Variants in NTRK3 observed in about 807,000 individuals in gnomAD.
NTRK3 encodes neurotrophic receptor tyrosine kinase 3.
NTRK3 carries 24 observed loss-of-function variants against 91.7 expected under a neutral mutation model. The observed-to-expected ratio is 0.26, with a 90% CI of 0.19 to 0.37. NTRK3 has a LOEUF of 0.37. NTRK3 is among the 10% of genes least tolerant of loss of function. The pLI, the probability that NTRK3 is intolerant of heterozygous loss-of-function variation, is 1.00. For missense variants in NTRK3, 880 were observed against 1,068.9 expected, an observed-to-expected ratio of 0.82 and a Z score of 2.46; for synonymous variants, 483 against 404.0, an observed-to-expected ratio of 1.20 and a Z score of -2.34.
rs112293896 is a variant in NTRK3, at chr15:88,070,122, C to G, written c.1397-37077G>C. 2.6e-3 allele frequency among the ~76,000 whole-genome samples: 394 copies of G among 152,224 alleles called. 6 individuals carry two copies. The highest frequency in any genetic ancestry group is 8.5e-3 in the African/African-American group (353 of 41,540). Reference sequence around the variant, plus strand: ...GGGTTATCAATAGAGAAATATGAGACGTCCTCTATGAATTTAACAGAAAAC... The same window carrying G: ...GGGTTATCAATAGAGAAATATGAGAGGTCCTCTATGAATTTAACAGAAAAC... On this transcript the variant is annotated intron_variant, in intron 13 of 18. Transcript: ENST00000394480.
At chr15:88,173,068 C>T (rs2045666641) in intron 5 of NTRK3, among the ~76,000 whole-genome samples, 1 of 151,998 alleles carries the variant, frequency 6.6e-6, no homozygotes, top group Non-Finnish European at 1.5e-5. Context: ...ATTTGGGGTT[C>T]AATAACACAT....
At chr15:88,136,742 G>T in intron 7 of NTRK3, 133 bp from the exon 8 acceptor site, 3 of 1,094,216 alleles carry the variant, frequency 2.7e-6, no homozygotes, top group Non-Finnish European at 3.9e-6. Flanking sequence ...TTGAGTTCTT[G>T]GAAGACCCGC....
intron 14 of NTRK3, among the ~76,000 whole-genome samples, chr15:88,000,263 C>A (rs935871931): frequency 6.6e-6 from 1 of 152,100 alleles, no homozygotes; most frequent in Non-Finnish European, 1.5e-5. Flanking sequence ...GTACTCAGAC[C>A]CTCAACACTG....
chr15:88,033,927 T>C (rs2078833492), intron 13 of NTRK3, among the ~76,000 whole-genome samples: 3 of 152,310 alleles, frequency 2.0e-5, no homozygotes, highest in Non-Finnish European at 4.4e-5. Context: ...CAATGTCTGA[T>C]GCTGGATTTC....
exon 19 of NTRK3, chr15:87,873,075 A>G (rs547500853): frequency 1.3e-5 from 3 of 232,898 alleles, no homozygotes; most frequent in African/African-American, 6.6e-5. Context: ...GTGCAGCCCC[A>G]GAAGCTGGCT....
At chr15:88,114,011 C>CT (rs1329284017) in intron 13 of NTRK3, among the ~76,000 whole-genome samples, 1 of 152,102 alleles carries the variant, frequency 6.6e-6, no homozygotes, top group African/African-American at 2.4e-5. Flanking sequence ...CAGTACCCCC[C>CT]CCACCACCAA....
chr15:88,232,084 C>T (rs1398047307), intron 3 of NTRK3, among the ~76,000 whole-genome samples: 1 of 152,160 alleles, frequency 6.6e-6, no homozygotes, highest in Non-Finnish European at 1.5e-5. Flanking sequence ...CCCCTCCATG[C>T]TCCCTACCTC....
intron 14 of NTRK3, among the ~76,000 whole-genome samples, chr15:87,965,791 C>T (rs2072737174): frequency 6.6e-6 from 1 of 152,088 alleles, no homozygotes; most frequent in Non-Finnish European, 1.5e-5. Context: ...TTAAGAACTC[C>T]ATTAGGCTGA....
At chr15:88,095,563 T>G (rs1375579231) in intron 13 of NTRK3, among the ~76,000 whole-genome samples, 1 of 152,142 alleles carries the variant, frequency 6.6e-6, no homozygotes, top group Admixed American at 6.5e-5. Context: ...CCTCCACAAT[T>G]AACTGCAGGT....
chr15:87,991,395 G>A (rs963374830), intron 14 of NTRK3, among the ~76,000 whole-genome samples: 1 of 152,134 alleles, frequency 6.6e-6, no homozygotes, highest in African/African-American at 2.4e-5. Context: ...GTAAAATGTG[G>A]GAAATGCTGC....
chr15:88,220,507 T>C (rs1026276004), intron 3 of NTRK3, among the ~76,000 whole-genome samples: 4 of 152,208 alleles, frequency 2.6e-5, no homozygotes, highest in African/African-American at 9.6e-5. Context: ...CACTTAAATT[T>C]GGAAGCCTCG....
chr15:88,056,001 C>T (rs1381007922), intron 13 of NTRK3, among the ~76,000 whole-genome samples: 1 of 151,904 alleles, frequency 6.6e-6, no homozygotes, highest in Non-Finnish European at 1.5e-5. Flanking sequence ...CAGGATAGTA[C>T]TGCATGTAGG....
chr15:87,972,132 A>C (rs1351424840), intron 14 of NTRK3, among the ~76,000 whole-genome samples: 1 of 152,130 alleles, frequency 6.6e-6, no homozygotes, highest in Admixed American at 6.5e-5. Flanking sequence ...AAGGGAGGGG[A>C]GAATGTGTCT....
chr15:87,895,517 A>G (rs2066067358), intron 17 of NTRK3, among the ~76,000 whole-genome samples: 1 of 152,194 alleles, frequency 6.6e-6, no homozygotes, highest in African/African-American at 2.4e-5. Context: ...AAAAATCAAA[A>G]TGTTTTACCC....
At chr15:88,256,349 C>T (rs1399736347) in exon 2 of NTRK3, 12 of 634,610 alleles carry the variant, frequency 1.9e-5, no homozygotes, top group Middle Eastern at 8.1e-4. Context: ...GACGCCGCCG[C>T]CGCCGCCGCC....
chr15:88,134,270 C>T (rs1049169132), intron 10 of NTRK3, among the ~76,000 whole-genome samples: 22 of 152,188 alleles, frequency 1.4e-4, no homozygotes, highest in African/African-American at 4.1e-4. Context: ...CAAAAAGATG[C>T]TACAATCACT....
chr15:87,861,751 CT>C (rs1423060137), exon 19 of NTRK3: 3 of 195,066 alleles, frequency 1.5e-5, no homozygotes, highest in Non-Finnish European at 2.1e-5. Context: ...TAGACGCGCC[CT>C]TGAAAATTTT....
intron 15 of NTRK3, among the ~76,000 whole-genome samples, chr15:87,939,259 A>G (rs1391163887): frequency 3.3e-5 from 5 of 152,228 alleles, no homozygotes; most frequent in Non-Finnish European, 7.3e-5. Context: ...ACTACTTTTT[A>G]TTGAGTCTTT....
intron 14 of NTRK3, among the ~76,000 whole-genome samples, chr15:88,015,358 A>C (rs748885296): frequency 6.6e-6 from 1 of 151,998 alleles, no homozygotes; most frequent in Non-Finnish European, 1.5e-5. Flanking sequence ...CCCGGGAGGG[A>C]GTCCTTCTCT....
Sources: gnomAD v4.1 joint callset for allele counts (sites outside exome capture counted in the v4.1 genomes callset) on GRCh38, gnomAD v4.1.1 for gene constraint, MANE v1.5 for transcripts, NCBI Gene and HGNC (gene_info 2026-07-23, HGNC 2026-07-21) for gene names.